Variants in SETD7 observed in about 807,000 individuals in gnomAD.
SETD7 encodes the protein SET domain containing 7, histone lysine methyltransferase.
In SETD7, 16 loss-of-function variants were observed where a neutral mutation model predicts 41.8. The observed-to-expected ratio is 0.38, with a 90% confidence interval of 0.26 to 0.58. The LOEUF (loss-of-function observed/expected upper bound fraction) is 0.58, where lower values mean the gene tolerates loss of function less well. Ranked by LOEUF, SETD7 falls within the 20% of genes least tolerant of loss-of-function variation. The probability of loss-of-function intolerance (pLI) is 0.64; values close to 1 mark genes in which losing one functional copy is unlikely to be tolerated. For missense variants in SETD7, 346 were observed against 459.7 expected (o/e 0.75, Z 2.26); for synonymous variants, 163 against 169.7 (o/e 0.96, Z 0.31).
rs1184677595 is a variant in SETD7, at chr4:139,520,336, C to G, written c.703G>C (p.Ala235Pro). ...SAGEGLFSKV[A>P]VGPNTVMSFY... ...GACATAACAGTATTAGGTCCCACAG[C>G]TACCTTTGAAAAAAGTCCTTCTCCA... The change falls in exon 6 of 8, where the codon GCT (alanine) becomes CCT (proline). Residue 235 changes from alanine to proline, a missense_variant. By Grantham distance (27) the Ala-to-Pro change is conservative. This residue lies in a region of SETD7 where 266 missense variants were observed against 377.0 expected (regional missense o/e 0.71). Coordinates refer to ENST00000274031, the MANE Select transcript of SETD7 (RefSeq NM_030648.4). The G allele has an allele frequency of 1.2e-6, 2 of 1,611,484 alleles. No individual in the cohort carries two copies. Among genetic ancestry groups the G allele is most frequent in the African/African-American group, 2.7e-5 (2 of 74,796 alleles).
chr4:139,532,964 T>C lies in SETD7; in HGVS notation c.372+201A>G, dbSNP rs149842667. Reference sequence around the variant, plus strand: ...TTTCCAAAACAACGCTGAAAAATAATTAATAACGGATTCAAGGGCCAACAA... The same window carrying C: ...TTTCCAAAACAACGCTGAAAAATAACTAATAACGGATTCAAGGGCCAACAA... On this transcript the variant is annotated intron_variant, in intron 3 of 7. Coordinates refer to ENST00000274031, the MANE Select transcript of SETD7 (RefSeq NM_030648.4). The C allele has an allele frequency of 4.8e-3, 2,830 of 592,560 alleles. 12 individuals are homozygous for C. The highest frequency in any genetic ancestry group is 7.0e-3 in the Middle Eastern group (16 of 2,286). 36.7% of individuals were successfully genotyped at this position (592,560 alleles called of 1,614,324 possible).
chr4:139,556,009 C>T, intron 1 of SETD7, 89 bp downstream of exon 1: 2 of 1,354,650 alleles, frequency 1.5e-6, no homozygotes, highest in Non-Finnish European at 9.9e-7. Flanking sequence ...GGCCGCGGGG[C>T]CCGGCGCCGC....
chr4:139,523,272 C>T (rs1727230654), intron 5 of SETD7, 82 bp downstream of exon 5: 2 of 1,021,194 alleles, frequency 2.0e-6, no homozygotes, highest in African/African-American at 1.6e-5. Context: ...GGCAGAGAGC[C>T]AAAGAGGTGC....
rs1433625918 is a variant in SETD7, at chr4:139,506,256, TA to T, written c.*5406del. The T allele has an allele frequency of 2.0e-5, 3 of 152,620 alleles. No individual in the cohort carries two copies. Among genetic ancestry groups the T allele is most frequent in the Non-Finnish European group, 4.4e-5 (3 of 68,042 alleles). 9.5% of individuals were successfully genotyped at this position (152,620 alleles called of 1,614,324 possible). A position where few individuals can be genotyped will look rare whatever the true frequency, so the allele number is the denominator to read the frequency against. ...CATCTTTCATTAATTTCCCATAATT[TA>T]AAAAAATCATAGAATTATAGATATT... On this transcript the variant is annotated 3_prime_UTR_variant, in exon 8 of 8. Coordinates refer to ENST00000274031, the MANE Select transcript of SETD7 (RefSeq NM_030648.4).
intron 7 of SETD7, among the ~76,000 whole-genome samples, chr4:139,500,369 A>C (rs1726545974): frequency 6.6e-6 from 1 of 152,158 alleles, no homozygotes; most frequent in South Asian, 2.1e-4. Flanking sequence ...AGCCTGAGTG[A>C]TCCTTTTACA....
intron 2 of SETD7, among the ~76,000 whole-genome samples, chr4:139,544,290 C>CTAAAA (rs56306311): frequency 0.16 from 22,243 of 135,994 alleles, 1,994 homozygotes; most frequent in South Asian, 0.19. Context: ...GAGAACCCAT[C>CTAAAA]TAAAATAAAA....
chr4:139,529,143 A>G lies in SETD7; in HGVS notation c.450T>C (p.Asp150=), dbSNP rs746421348. ...ATTTCCCATAAAGTGCGGTCCTCTCATCAGGGTACACATAGGCTATCTTCT... is the reference window on the plus strand; with the variant it reads ...ATTTCCCATAAAGTGCGGTCCTCTCGTCAGGGTACACATAGGCTATCTTCT... ...TGEKIAYVYP[D]ERTALYGKFI... is the part of the protein sequence containing the mutation. Residue 150 remains aspartate, a synonymous_variant, in exon 4 of 8, where the codon GAT becomes GAC. Coordinates refer to ENST00000274031, the MANE Select transcript of SETD7 (RefSeq NM_030648.4). The G allele has an allele frequency of 2.6e-5, 42 of 1,614,022 alleles. No homozygotes were observed. The highest frequency in any genetic ancestry group is 3.3e-5 in the Non-Finnish European group (39 of 1,179,998).
At chr4:139,494,705 T>C (rs946110953), downstream of SETD7, among the ~76,000 whole-genome samples, 1 of 152,222 alleles carries the variant, frequency 6.6e-6, no homozygotes, top group Non-Finnish European at 1.5e-5. Flanking sequence ...ATACATAAAT[T>C]GATACTGGAT....
chr4:139,537,109 G>C (rs929160380), intron 2 of SETD7, among the ~76,000 whole-genome samples: 1 of 152,114 alleles, frequency 6.6e-6, no homozygotes, highest in Non-Finnish European at 1.5e-5. Context: ...CCAAATAGCC[G>C]GGATTACAGG....
At chr4:139,531,660 C>G (rs969833884) in intron 3 of SETD7, among the ~76,000 whole-genome samples, 26 of 152,190 alleles carry the variant, frequency 1.7e-4, no homozygotes, top group African/African-American at 5.8e-4. Flanking sequence ...TTTTCTTATG[C>G]CCTATTCCTA....
intron 4 of SETD7, among the ~76,000 whole-genome samples, chr4:139,524,782 C>T (rs1008498266): frequency 1.2e-4 from 19 of 152,144 alleles, no homozygotes; most frequent in Non-Finnish European, 7.4e-5. Context: ...TAACAGACCA[C>T]CAAGCAATCC....
At chr4:139,545,372 C>T (rs576867431) in intron 2 of SETD7, among the ~76,000 whole-genome samples, 1 of 152,260 alleles carries the variant, frequency 6.6e-6, no homozygotes, top group Non-Finnish European at 1.5e-5. Context: ...AACAATCCTC[C>T]TGCCTCAGCC....
chr4:139,518,584 G>T (rs1727095623), intron 6 of SETD7, among the ~76,000 whole-genome samples: 1 of 152,000 alleles, frequency 6.6e-6, no homozygotes, highest in African/African-American at 2.4e-5. Context: ...GAAAAAAAAG[G>T]ATTTAAAGTC....
chr4:139,535,933 G>A (rs1228904202), intron 2 of SETD7, among the ~76,000 whole-genome samples: 3 of 152,164 alleles, frequency 2.0e-5, no homozygotes, highest in Non-Finnish European at 4.4e-5. Flanking sequence ...TTCTTAGACT[G>A]GCATTCAAGG....
intron 4 of SETD7, among the ~76,000 whole-genome samples, chr4:139,524,868 G>A (rs1348434532): frequency 2.0e-5 from 3 of 152,084 alleles, no homozygotes; most frequent in African/African-American, 7.2e-5. Flanking sequence ...TCAGGCTGGA[G>A]AGCAATGGCG....
chr4:139,505,002 T>C (rs920829099), downstream of SETD7, among the ~76,000 whole-genome samples: 2 of 152,104 alleles, frequency 1.3e-5, no homozygotes, highest in Non-Finnish European at 2.9e-5. Context: ...AGCATGTGAA[T>C]GTGTCTGTGC....
At chr4:139,513,894 T>C (rs925496925) in intron 7 of SETD7, among the ~76,000 whole-genome samples, 3 of 152,218 alleles carry the variant, frequency 2.0e-5, no homozygotes, top group African/African-American at 7.2e-5. Context: ...AACACAAAAG[T>C]GAACAGTTAT....
At position 139,556,174 on chromosome 4, in the gene SETD7, G is replaced by A; in HGVS notation, c.-37C>T. ...ACACTGCCCAGCTCGGGGCTGCGCG[G>A]CTGCCTCCCGTCCCTCTGGGTGCTC... On this transcript the variant is annotated 5_prime_UTR_variant, in exon 1 of 8. Transcript: ENST00000274031. The A allele has an allele frequency of 1.9e-6, 3 of 1,576,442 alleles. No homozygotes were observed. Among genetic ancestry groups the A allele is most frequent in the Non-Finnish European group, 1.7e-6 (2 of 1,162,016 alleles).
intron 7 of SETD7, among the ~76,000 whole-genome samples, chr4:139,498,349 C>T (rs1726505753): frequency 6.6e-6 from 1 of 152,118 alleles, no homozygotes; most frequent in Non-Finnish European, 1.5e-5. Context: ...CACCATTACC[C>T]CAGGGTCAGG....
Sources: allele counts gnomAD v4.1 joint callset (sites outside exome capture counted in the v4.1 genomes callset), GRCh38; gene constraint gnomAD v4.1.1; regional missense constraint gnomAD v4.1.1; transcripts MANE v1.5; gene names NCBI Gene and HGNC (gene_info 2026-07-23, HGNC 2026-07-21).